Variants in USP43 observed in about 807,000 individuals in gnomAD.
USP43 encodes ubiquitin specific peptidase 43, also known as ubiquitin carboxyl-terminal hydrolase 43.
In USP43, 33 loss-of-function variants were observed where a neutral mutation model predicts 90.7. That is an observed-to-expected ratio of 0.36 (90% CI 0.28 to 0.49). The LOEUF (loss-of-function observed/expected upper bound fraction) is 0.49, where lower values mean the gene tolerates loss of function less well. Among genes scored for constraint, USP43 ranks in the 20% least tolerant of loss-of-function variants. USP43 has a pLI of 0.98. For synonymous variants in USP43, 598 were observed against 615.8 expected (o/e 0.97, Z 0.43); for missense variants, 1,274 against 1,476.4 (o/e 0.86, Z 2.25).
At chr17:9,710,287 G>T (rs67414899) in intron 13 of USP43, among the ~76,000 whole-genome samples, 173 bp downstream of exon 13, 217 of 152,092 alleles carry the variant, frequency 1.4e-3, no homozygotes, top group African/African-American at 4.9e-3. Flanking sequence ...CATTTACCAG[G>T]GTGTGGGATG....
chr17:9,682,877 G>A lies in USP43; in HGVS notation c.1160G>A (p.Arg387Gln), dbSNP rs200060469. 8 of 1,614,016 alleles carry A rather than the reference G, an allele frequency of 5.0e-6. No homozygotes were observed. The highest frequency in any genetic ancestry group is 2.2e-5 in the South Asian group (2 of 91,084). Residue 387 changes from arginine (R) to glutamine (Q), a missense_variant, in exon 7 of 15, where the codon CGA becomes CAA. This residue lies in a region of USP43 where 253 missense variants were observed against 276.0 expected (regional missense o/e 0.92). Transcript: ENST00000285199. ...CGCCTGGCAGCCCGTGAGGGCCAGC[G>A]ATTCTCCCTCTCTCTCCACAGTGAG... ...SPRLAAREGQ[R>Q]FSLSLHSESK... is the part of the protein sequence containing the mutation.
At chr17:9,693,046 T>A (rs895936181) in intron 8 of USP43, 81 bp from the exon 9 acceptor site, 64 of 932,706 alleles carry the variant, frequency 6.9e-5, no homozygotes, top group Non-Finnish European at 1.0e-4. Context: ...TTATATTTTT[T>A]AATGTATGCG....
chr17:9,674,867 C>A lies in USP43; in HGVS notation c.741-24C>A. ...AATTGTTTACGTGTGATTAAACGTT[C>A]GCCTCTGTTCTTCACCCTCACAGAT... On this transcript the variant is annotated intron_variant, in intron 3 of 14. Transcript: ENST00000285199. The surrounding 1 kb of genome is among the most constrained non-coding windows in gnomAD (Gnocchi z 4.4). 6.3e-7 allele frequency: 1 copy of A among 1,596,280 alleles called. No homozygotes were observed. Among genetic ancestry groups the A allele is most frequent in the Non-Finnish European group, 8.6e-7 (1 of 1,164,126 alleles).
intron 6 of USP43, among the ~76,000 whole-genome samples, chr17:9,680,640 G>A (rs1398638876): frequency 6.6e-6 from 1 of 152,130 alleles, no homozygotes; most frequent in Non-Finnish European, 1.5e-5. Context: ...TATGATTTGG[G>A]TGGCCTGGGG....
At chr17:9,720,505 T>C (rs993152230) in intron 14 of USP43, among the ~76,000 whole-genome samples, 4 of 151,136 alleles carry the variant, frequency 2.6e-5, no homozygotes, top group African/African-American at 9.7e-5. Context: ...TTTTGTTTTT[T>C]GAGATGGTGT....
chr17:9,658,606 G>A (rs1205612433), intron 2 of USP43, among the ~76,000 whole-genome samples: 1 of 152,140 alleles, frequency 6.6e-6, no homozygotes, highest in African/African-American at 2.4e-5. Flanking sequence ...CAAAAGTCAT[G>A]GTGGTTTCTC....
intron 2 of USP43, 33 bp downstream of exon 2, chr17:9,656,567 G>A (rs1183853270): frequency 1.3e-6 from 2 of 1,566,490 alleles, no homozygotes; most frequent in Admixed American, 2.1e-5. Context: ...CAATGTACTG[G>A]GTTTTCTTTT....
chr17:9,694,245 G>C (rs561188252), intron 9 of USP43, among the ~76,000 whole-genome samples: 4 of 152,182 alleles, frequency 2.6e-5, no homozygotes, highest in Admixed American at 6.5e-5. Flanking sequence ...CAGGAACCAG[G>C]GTAGCAGGTG....
At chr17:9,719,609 G>A (rs145261472) in intron 14 of USP43, among the ~76,000 whole-genome samples, 1 of 152,188 alleles carries the variant, frequency 6.6e-6, no homozygotes, top group East Asian at 1.9e-4. Context: ...TGGGTGCCAG[G>A]TCTTGGCTCT....
rs144333342 is a variant in USP43, at chr17:9,695,653, T to G, written c.1457+2423T>G. ...GGGCCAAAATTACATTTTAACCACT[T>G]GAAAGTGTACAGTTCAGTGGGATTG... On this transcript the variant is annotated intron_variant, in intron 9 of 14. Transcript: ENST00000285199. Among the ~76,000 whole-genome samples, 34 of 152,298 alleles carry G rather than the reference T, an allele frequency of 2.2e-4. No individual in the cohort carries two copies. The East Asian group carries it at 6.6e-3, about 29-fold the overall frequency.
intron 5 of USP43, among the ~76,000 whole-genome samples, chr17:9,679,516 CTTT>C (rs544977324): frequency 1.9e-4 from 16 of 82,302 alleles, no homozygotes; most frequent in East Asian, 1.2e-3. Flanking sequence ...TGAAATGCAT[CTTT>C]TTTTTTTTTT....
intron 10 of USP43, 71 bp downstream of exon 10, chr17:9,700,320 C>T: frequency 7.0e-7 from 1 of 1,436,244 alleles, no homozygotes; most frequent in South Asian, 1.3e-5. Context: ...TCCCTGGACG[C>T]AGCTTCCCCC....
intron 9 of USP43, among the ~76,000 whole-genome samples, chr17:9,699,536 C>T (rs762254548): frequency 9.8e-5 from 15 of 152,320 alleles, no homozygotes; most frequent in Middle Eastern, 3.4e-3. Context: ...TGGGTGTGGA[C>T]GTTGCCATCA....
At chr17:9,703,219 C>T (rs1260868748) in intron 12 of USP43, among the ~76,000 whole-genome samples, 2 of 151,400 alleles carry the variant, frequency 1.3e-5, no homozygotes, top group Admixed American at 1.3e-4. Flanking sequence ...CTGAATGAGT[C>T]CCCGTGCACA....
intron 2 of USP43, among the ~76,000 whole-genome samples, chr17:9,659,857 G>A (rs868232133): frequency 1.3e-5 from 2 of 152,168 alleles, no homozygotes; most frequent in East Asian, 1.9e-4. Flanking sequence ...GTTTGTGGCC[G>A]TTTGATTCTT....
chr17:9,679,161 C>T (rs1256274144), intron 5 of USP43, among the ~76,000 whole-genome samples: 1 of 152,066 alleles, frequency 6.6e-6, no homozygotes, highest in Non-Finnish European at 1.5e-5. Context: ...CAAGTTTTCT[C>T]TTTGATTCAG....
chr17:9,701,264 A>T lies in USP43; in HGVS notation c.1662+19A>T. The T allele has an allele frequency of 6.2e-7, 1 of 1,605,238 alleles. No homozygotes were observed. Among genetic ancestry groups the T allele is most frequent in the South Asian group, 1.1e-5 (1 of 89,476 alleles). ...GGAGCAGGTCCCGCCCTGGGGGTCC[A>T]TGCCCCGGCCGGGAAGGGGGCTGGC... On this transcript the variant is annotated intron_variant, in intron 11 of 14. Transcript: ENST00000285199. This position sits in a 1 kb window ranked among gnomAD's most constrained non-coding sequence, Gnocchi z 7.2.
chr17:9,714,694 A>G (rs2151996683), intron 14 of USP43, among the ~76,000 whole-genome samples: 1 of 151,822 alleles, frequency 6.6e-6, no homozygotes, highest in Admixed American at 6.6e-5. Context: ...AAAAAAAAAA[A>G]AAAAAAATGA....
intron 2 of USP43, among the ~76,000 whole-genome samples, chr17:9,656,765 G>A (rs1033737611): frequency 2.6e-5 from 4 of 152,092 alleles, no homozygotes; most frequent in Non-Finnish European, 4.4e-5. Flanking sequence ...GTGATATAAT[G>A]AATAGAGTTT....
Sources: allele counts gnomAD v4.1 joint callset (sites outside exome capture counted in the v4.1 genomes callset), GRCh38; gene constraint gnomAD v4.1.1; regional missense constraint gnomAD v4.1.1; non-coding constraint Gnocchi (gnomAD v3.1); transcripts MANE v1.5; gene names NCBI Gene and HGNC (gene_info 2026-07-23, HGNC 2026-07-21).